PALS1: variants seen among roughly 807,000 people sequenced by gnomAD.
The protein encoded by PALS1 is protein associated with LIN7 1, MAGUK p55 family member.
PALS1 carries 31 observed loss-of-function variants against 78.9 expected under a neutral mutation model. The ratio of observed to expected loss-of-function variants is 0.39; its 90% CI spans 0.30 to 0.53. PALS1 has a LOEUF of 0.53. PALS1 is among the 20% of genes least tolerant of loss of function. PALS1 has a pLI of 0.67. For synonymous variants in PALS1, 276 were observed against 270.9 expected, an observed-to-expected ratio of 1.02 and a Z score of -0.18; for missense variants, 704 against 826.5, an observed-to-expected ratio of 0.85 and a Z score of 1.82.
chr14:67,285,285 G>GCTA, intron 3 of PALS1, among the ~76,000 whole-genome samples: 1 of 152,134 alleles, frequency 6.6e-6, no homozygotes, highest in East Asian at 1.9e-4. Flanking sequence ...GTCCCTAGAA[G>GCTA]CTATCTGTTT....
At chr14:67,317,187 G>T (rs1203952615) in intron 10 of PALS1, among the ~76,000 whole-genome samples, 1 of 152,188 alleles carries the variant, frequency 6.6e-6, no homozygotes, top group Non-Finnish European at 1.5e-5. Context: ...AACAAGCTGG[G>T]TGTGGTGGTT....
At position 67,260,102 on chromosome 14, in the gene PALS1, T is replaced by C. The variant is rs191983428; in HGVS notation, c.-236-9599T>C. Among the ~76,000 whole-genome samples, 309 of 152,342 alleles carry C rather than the reference T, an allele frequency of 2.0e-3. 1 individual carries two copies. Among genetic ancestry groups the C allele is most frequent in the East Asian group, 0.013 (66 of 5,186 alleles). On this transcript the variant is annotated intron_variant, in intron 1 of 14. Coordinates refer to ENST00000261681, the MANE Select transcript of PALS1 (RefSeq NM_022474.4). ...TTAATAGAAGAATGACCAGAACTTATGCATCTCTCTAATAAGTGATACTCT... is the reference window on the plus strand; with the variant it reads ...TTAATAGAAGAATGACCAGAACTTACGCATCTCTCTAATAAGTGATACTCT...
chr14:67,265,902 A>AT (rs2084315280), intron 1 of PALS1, among the ~76,000 whole-genome samples: 1 of 151,748 alleles, frequency 6.6e-6, no homozygotes, highest in South Asian at 2.1e-4. Context: ...AACCCAGGAC[A>AT]TTTGCACTTG....
chr14:67,319,768 C>T (rs1220538436), intron 11 of PALS1, among the ~76,000 whole-genome samples: 1 of 152,226 alleles, frequency 6.6e-6, no homozygotes, highest in Non-Finnish European at 1.5e-5. Flanking sequence ...CCAGCTTTCT[C>T]TGATAACACT....
At position 67,323,752 on chromosome 14, in the gene PALS1, T is replaced by G; in HGVS notation, c.1791T>G (p.Ile597Met). 6.2e-7 allele frequency: 1 copy of G among 1,606,248 alleles called. No individual in the cohort carries two copies. The highest frequency in any genetic ancestry group is 8.5e-7 in the Non-Finnish European group (1 of 1,177,174). Residue 597 changes from isoleucine to methionine, a missense_variant, in exon 14 of 15, where the codon ATT (isoleucine) becomes ATG (methionine). Coordinates refer to ENST00000261681, the MANE Select transcript of PALS1 (RefSeq NM_022474.4). ...NSDLKPYIIF[I>M]APPSQERLRA... ...ATTTGAAACCATATATTATCTTCAT[T>G]GCACCCCCTTCACAAGAAAGACTTC...
chr14:67,292,520 A>G lies in PALS1; in HGVS notation c.377A>G (p.Asp126Gly). The change falls in exon 4 of 15, where the codon GAC (aspartate) becomes GGC (glycine). Residue 126 changes from aspartate to glycine, a missense_variant. Transcript: ENST00000261681. Reference sequence around the variant, plus strand: ...TTTCTTCTTCTACTAGAAATAGAAGACTTGTTTTCTTCACTTAAACATATC... The same window carrying G: ...TTTCTTCTTCTACTAGAAATAGAAGGCTTGTTTTCTTCACTTAAACATATC... Reference protein sequence around the residue: ...HYAVKILEIEDLFSSLKHIQH... With the variant: ...HYAVKILEIEGLFSSLKHIQH... 1.9e-6 allele frequency: 3 copies of G among 1,607,408 alleles called. No homozygotes were observed. The highest frequency in any genetic ancestry group is 2.6e-6 in the Non-Finnish European group (3 of 1,174,460).
intron 1 of PALS1, among the ~76,000 whole-genome samples, chr14:67,252,339 G>C (rs2084077866): frequency 6.6e-6 from 1 of 150,894 alleles, no homozygotes; most frequent in Non-Finnish European, 1.5e-5. Context: ...ATTTTTTGTA[G>C]AGATGAGGTC....
At position 67,321,146 on chromosome 14, in the gene PALS1, G is replaced by A. The variant is rs777560499; in HGVS notation, c.1627G>A (p.Gly543Arg). 1.2e-6 allele frequency: 2 copies of A among 1,614,164 alleles called. No homozygotes were observed. Among genetic ancestry groups the A allele is most frequent in the East Asian group, 2.2e-5 (1 of 44,882 alleles). ...RQAFEADIAA[G>R]KFIEHGEFEK... ...AGCATTCGAGGCAGACATAGCAGCTGGAAAGTTCATTGAGCATGGTGAATT... is the reference window on the plus strand; with the variant it reads ...AGCATTCGAGGCAGACATAGCAGCTAGAAAGTTCATTGAGCATGGTGAATT... The change falls in exon 13 of 15, where the codon GGA (glycine) becomes AGA (arginine). Residue 543 changes from glycine to arginine, a missense_variant. Transcript: ENST00000261681.
chr14:67,267,978 C>T (rs1031418189), intron 1 of PALS1, among the ~76,000 whole-genome samples: 4 of 151,968 alleles, frequency 2.6e-5, no homozygotes, highest in Admixed American at 6.5e-5. Context: ...TTATTCATTC[C>T]CAGCTGAAGG....
At chr14:67,328,616 A>G (rs2085396132) in intron 14 of PALS1, among the ~76,000 whole-genome samples, 1 of 152,204 alleles carries the variant, frequency 6.6e-6, no homozygotes, top group African/African-American at 2.4e-5. Flanking sequence ...TTTAGGTCTA[A>G]CATTTAAGTC....
In PALS1 at chr14:67,245,082, A is replaced by G. The variant is rs550528933; in HGVS notation, c.-237+3549A>G. Among the ~76,000 whole-genome samples, 10 of 152,346 alleles carry G rather than the reference A, an allele frequency of 6.6e-5. 1 individual carries two copies. The South Asian group carries it at 2.1e-3, about 32-fold the overall frequency. On this transcript the variant is annotated intron_variant, in intron 1 of 14. Transcript: ENST00000261681. ...GTCTAGAATCTTGAAGAGGCTCCAG[A>G]AAAGAAAGCAGCCCTGCCAGTAATT... is the stretch of plus-strand genomic sequence containing the variant.
At chr14:67,327,706 T>G (rs902634587) in intron 14 of PALS1, among the ~76,000 whole-genome samples, 6 of 152,104 alleles carry the variant, frequency 3.9e-5, no homozygotes, top group African/African-American at 1.4e-4. Context: ...GTTCTCATTG[T>G]TCAGTTCCCA....
chr14:67,252,160 G>A (rs1483366359), intron 1 of PALS1, among the ~76,000 whole-genome samples: 1 of 151,792 alleles, frequency 6.6e-6, no homozygotes, highest in Admixed American at 6.6e-5. Flanking sequence ...TGAGTTCTGG[G>A]GCCATTCAAG....
rs757495214 is a variant in PALS1 at position 67,279,003 on chromosome 14, C to T, written c.-153-15C>T. ...GTAATTCTTACACTTTTTTCCCCCC[C>T]ATCTTTCCCCTTAGATTTCCTTCAT... On this transcript the variant is annotated splice_polypyrimidine_tract_variant and intron_variant, in intron 2 of 14. Coordinates refer to ENST00000261681, the MANE Select transcript of PALS1 (RefSeq NM_022474.4). 21 of 599,076 alleles carry T rather than the reference C, an allele frequency of 3.5e-5. No individual in the cohort carries two copies. The highest frequency in any genetic ancestry group is 4.7e-5 in the Non-Finnish European group (18 of 380,314). The allele number at this position is 599,076 out of a possible 1,614,324, so 37.1% of individuals were successfully genotyped here.
At chr14:67,327,947 G>A (rs1395235786) in intron 14 of PALS1, among the ~76,000 whole-genome samples, 2 of 152,208 alleles carry the variant, frequency 1.3e-5, no homozygotes, top group Non-Finnish European at 2.9e-5. Flanking sequence ...CAATGTACGT[G>A]TGCATGTGTC....
chr14:67,253,403 A>G (rs1019951269), intron 1 of PALS1, among the ~76,000 whole-genome samples: 4 of 152,228 alleles, frequency 2.6e-5, no homozygotes, highest in Non-Finnish European at 4.4e-5. Context: ...CAAATGAGAG[A>G]AAACAATTTG....
At chr14:67,248,920 A>G (rs147776024) in intron 1 of PALS1, among the ~76,000 whole-genome samples, 3 of 152,092 alleles carry the variant, frequency 2.0e-5, no homozygotes, top group Admixed American at 6.6e-5. Context: ...TTGGCCTCCT[A>G]AAGTGCTGGG....
intron 1 of PALS1, among the ~76,000 whole-genome samples, chr14:67,269,001 A>T (rs1381394514): frequency 6.6e-6 from 1 of 152,178 alleles, no homozygotes. Context: ...CGCAAGAGAA[A>T]CCTGCATGCC....
intron 9 of PALS1, among the ~76,000 whole-genome samples, 169 bp from the exon 10 acceptor site, chr14:67,316,663 A>C (rs2085180171): frequency 6.6e-6 from 1 of 152,194 alleles, no homozygotes; most frequent in African/African-American, 2.4e-5. Flanking sequence ...TATTTTAAAA[A>C]TTTGGAGGCT....
Sources: gnomAD v4.1 joint callset for allele counts (sites outside exome capture counted in the v4.1 genomes callset) on GRCh38, gnomAD v4.1.1 for gene constraint, MANE v1.5 for transcripts, NCBI Gene and HGNC (gene_info 2026-07-23, HGNC 2026-07-21) for gene names.